Variants in PRKCZ observed in about 807,000 individuals in gnomAD.
PRKCZ encodes protein kinase C zeta type.
A neutral mutation model predicts 79.5 loss-of-function variants in PRKCZ; 33 were observed. That is an observed-to-expected ratio of 0.41 (90% CI 0.31 to 0.55). The LOEUF (loss-of-function observed/expected upper bound fraction) is 0.55. PRKCZ is among the 20% of genes least tolerant of loss of function. The probability of loss-of-function intolerance (pLI) is 0.19; values close to 1 mark genes in which losing one functional copy is unlikely to be tolerated. For missense variants in PRKCZ, 578 were observed against 813.5 expected, an observed-to-expected ratio of 0.71 and a Z score of 3.52; for synonymous variants, 342 against 320.9, an observed-to-expected ratio of 1.07 and a Z score of -0.70.
chr1:2,138,628 G>A (rs1344117163), intron 5 of PRKCZ, among the ~76,000 whole-genome samples: 1 of 150,888 alleles, frequency 6.6e-6, no homozygotes, highest in East Asian at 1.9e-4. Flanking sequence ...AACGGCAGGT[G>A]GATTGAGGTT....
upstream of PRKCZ, chr1:2,050,104 G>C (rs1008042761): frequency 6.6e-6 from 1 of 152,204 alleles, no homozygotes; most frequent in Non-Finnish European, 1.5e-5. Flanking sequence ...CGAAGGCCGA[G>C]AACTCGCGTT....
rs1378980200 is a variant in PRKCZ at position 2,168,996 on chromosome 1, C to T, written c.975-522C>T. ...AATCATACGATCATGTCTGCGAAACCGGGATGCCACTTCCCACCTGGCTTC... is the reference window on the plus strand; with the variant it reads ...AATCATACGATCATGTCTGCGAAACTGGGATGCCACTTCCCACCTGGCTTC... On this transcript the variant is annotated intron_variant, in intron 10 of 17. Coordinates refer to ENST00000378567, the MANE Select transcript of PRKCZ (RefSeq NM_002744.6). The surrounding 1 kb of genome is among the most constrained non-coding windows in gnomAD (Gnocchi z 4.7). 18 of 369,086 alleles carry T rather than the reference C, an allele frequency of 4.9e-5. No individual in the cohort carries two copies. The highest frequency in any genetic ancestry group is 7.5e-5 in the East Asian group (1 of 13,342). 22.9% of individuals were successfully genotyped at this position (369,086 alleles called of 1,614,324 possible). A position where few individuals can be genotyped will look rare whatever the true frequency, so the allele number is the denominator to read the frequency against.
rs774689423 is a variant in PRKCZ, at chr1:2,172,257, G to A, written c.1198-44G>A. 5 of 1,613,354 alleles carry A rather than the reference G, an allele frequency of 3.1e-6. No homozygotes were observed. Among genetic ancestry groups the A allele is most frequent in the Non-Finnish European group, 4.2e-6 (5 of 1,180,018 alleles). On this transcript the variant is annotated intron_variant, in intron 12 of 17. Coordinates refer to ENST00000378567, the MANE Select transcript of PRKCZ (RefSeq NM_002744.6). This position sits in a 1 kb window ranked among gnomAD's most constrained non-coding sequence, Gnocchi z 7.8. ...CGTCTCGGGGCGCCTGTCCCGCGGG[G>A]TAGTGTCTACAAGAACCCTCTCCCA...
At chr1:2,095,009 C>G (rs1241530964) in intron 4 of PRKCZ, among the ~76,000 whole-genome samples, 1 of 152,168 alleles carries the variant, frequency 6.6e-6, no homozygotes, top group Non-Finnish European at 1.5e-5. Context: ...GTGATGCAGA[C>G]ACTGACTGTC....
At chr1:2,118,736 TGTGTGTGTGTGTGTGTGTGA>T (rs996256025) in intron 4 of PRKCZ, among the ~76,000 whole-genome samples, 12 of 148,166 alleles carry the variant, frequency 8.1e-5, no homozygotes, top group African/African-American at 2.8e-4. Context: ...TGTGTGTGTG[TGTGTGTGTGTGTGTGTGTGA>T]GATGAGGGGA....
chr1:2,148,786 G>A lies in PRKCZ; in HGVS notation c.635-86G>A, dbSNP rs368243872. 4.1e-5 allele frequency: 56 copies of A among 1,367,614 alleles called. No individual in the cohort carries two copies. In the African/African-American group the frequency reaches 6.9e-4, roughly 17 times the overall value. 84.7% of individuals were successfully genotyped at this position (1,367,614 alleles called of 1,614,324 possible). A position where few individuals can be genotyped will look rare whatever the true frequency, so the allele number is the denominator to read the frequency against. ...ATTCACCCTTCACCGTCACCCTGCAGAGGAGCAAGGTCCACAGGGTCGCTG... is the reference window on the plus strand; with the variant it reads ...ATTCACCCTTCACCGTCACCCTGCAAAGGAGCAAGGTCCACAGGGTCGCTG... On this transcript the variant is annotated intron_variant, in intron 7 of 17. Transcript: ENST00000378567.
rs113547132 is a variant in PRKCZ at position 2,112,929 on chromosome 1, C to T, written c.335-22333C>T. Among the ~76,000 whole-genome samples, 878 of 152,302 alleles carry T rather than the reference C, an allele frequency of 5.8e-3. 10 individuals are homozygous for T. The highest frequency in any genetic ancestry group is 0.02 in the African/African-American group (841 of 41,562). On this transcript the variant is annotated intron_variant, in intron 4 of 17. Transcript: ENST00000378567. Reference sequence around the variant, plus strand: ...CTGGTCTCGAACTCCTGACCTCAGGCGATCCGCCTGCCTTGGCCTCCCAAA... The same window carrying T: ...CTGGTCTCGAACTCCTGACCTCAGGTGATCCGCCTGCCTTGGCCTCCCAAA...
At position 2,185,263 on chromosome 1, in the gene PRKCZ, C is replaced by T. The variant is rs774583050; in HGVS notation, c.*254C>T. ...GCGTCGCGGCGGATCCGCGGGGACCCTGCCGAGGGGGCTGTCATGCGGTTT... is the reference window on the plus strand; with the variant it reads ...GCGTCGCGGCGGATCCGCGGGGACCTTGCCGAGGGGGCTGTCATGCGGTTT... On this transcript the variant is annotated 3_prime_UTR_variant, in exon 18 of 18. Transcript: ENST00000378567. 7 of 715,188 alleles carry T rather than the reference C, an allele frequency of 9.8e-6. No individual in the cohort carries two copies. Among genetic ancestry groups the T allele is most frequent in the Non-Finnish European group, 1.8e-5 (7 of 383,298 alleles). The allele number at this position is 715,188 out of a possible 1,614,324, so 44.3% of individuals were successfully genotyped here. A position where few individuals can be genotyped will look rare whatever the true frequency, so the allele number is the denominator to read the frequency against.
At chr1:2,069,849 G>C (rs1031699916) in intron 4 of PRKCZ, among the ~76,000 whole-genome samples, 1 of 152,190 alleles carries the variant, frequency 6.6e-6, no homozygotes, top group Non-Finnish European at 1.5e-5. Flanking sequence ...GAGGCTCTGG[G>C]GCTCCTAAGT....
chr1:2,094,100 G>A lies in PRKCZ; in HGVS notation c.334+34509G>A, dbSNP rs12026498. On this transcript the variant is annotated intron_variant, in intron 4 of 17. Coordinates refer to ENST00000378567, the MANE Select transcript of PRKCZ (RefSeq NM_002744.6). This position sits in a 1 kb window ranked among gnomAD's most constrained non-coding sequence, Gnocchi z 7.3. ...CCTAGCGCAGCCACATCCCTTGGGA[G>A]CCTGCTTGTCTCTAGAACCTTCTGC... Among the ~76,000 whole-genome samples the A allele has an allele frequency of 0.13, 19,900 of 152,144 alleles. 1,385 individuals carry two copies. The highest frequency in any genetic ancestry group is 0.16 in the Middle Eastern group (48 of 294).
intron 4 of PRKCZ, among the ~76,000 whole-genome samples, chr1:2,076,046 C>T (rs1021124770): frequency 2.6e-5 from 4 of 152,202 alleles, no homozygotes; most frequent in African/African-American, 9.7e-5. Flanking sequence ...CTTGTGCTGG[C>T]GTGGAGCTTT....
chr1:2,067,641 G>A (rs1661231311), intron 4 of PRKCZ, among the ~76,000 whole-genome samples: 1 of 152,154 alleles, frequency 6.6e-6, no homozygotes, highest in African/African-American at 2.4e-5. Flanking sequence ...TGGTGGCACG[G>A]GGGTCCGCAT....
At chr1:2,181,453 C>T (rs1310222598) in intron 16 of PRKCZ, among the ~76,000 whole-genome samples, 3 of 152,202 alleles carry the variant, frequency 2.0e-5, no homozygotes, top group Non-Finnish European at 2.9e-5. Flanking sequence ...CTGGGGCCAG[C>T]GTGCATTCAA....
chr1:2,146,338 G>A (rs1301114774), intron 7 of PRKCZ, among the ~76,000 whole-genome samples: 1 of 152,228 alleles, frequency 6.6e-6, no homozygotes, highest in Non-Finnish European at 1.5e-5. Context: ...CTGCTGGGCA[G>A]GGATGCCTCC....
rs1679756362 is a variant in PRKCZ at position 2,150,870 on chromosome 1, A to T, written c.768A>T (p.Arg256Ser). The change falls in exon 9 of 18, where the codon AGA becomes AGT. Residue 256 changes from arginine to serine, a missense_variant. Transcript: ENST00000378567. ...GLGLQDFDLI[R>S]VIGRGSYAKV... The stretch of plus-strand genomic sequence containing the variant: ...GGCTGCAGGACTTTGACCTAATCAG[A>T]GTCATCGGGCGCGGGAGCTACGCCA... The T allele has an allele frequency of 6.2e-7, 1 of 1,614,054 alleles. No homozygotes were observed. Among genetic ancestry groups the T allele is most frequent in the Non-Finnish European group, 8.5e-7 (1 of 1,180,038 alleles).
At position 2,125,843 on chromosome 1, in the gene PRKCZ, G is replaced by A. The variant is rs1354164693; in HGVS notation, c.335-9419G>A. On this transcript the variant is annotated intron_variant, in intron 4 of 17. Transcript: ENST00000378567. This position sits in a 1 kb window ranked among gnomAD's most constrained non-coding sequence, Gnocchi z 4.2. ...CACGGCCTCCTCACGTCCATGCGGGGATTTGCGCCCTGGAAGGAGCCGCCC... is the reference window on the plus strand; with the variant it reads ...CACGGCCTCCTCACGTCCATGCGGGAATTTGCGCCCTGGAAGGAGCCGCCC... 6.6e-6 allele frequency among the ~76,000 whole-genome samples: 1 copy of A among 152,234 alleles called. No individual in the cohort carries two copies. The highest frequency in any genetic ancestry group is 2.4e-5 in the African/African-American group (1 of 41,460).
rs558305043 is a variant in PRKCZ, at chr1:2,104,032, G to A, written c.335-31230G>A. ...CAGCACCGCACGCAGACGGGAGGGAGCTTCTCACCACATAATGAGGTTTTC... is the reference window on the plus strand; with the variant it reads ...CAGCACCGCACGCAGACGGGAGGGAACTTCTCACCACATAATGAGGTTTTC... On this transcript the variant is annotated intron_variant, in intron 4 of 17. Coordinates refer to ENST00000378567, the MANE Select transcript of PRKCZ (RefSeq NM_002744.6). 1.2e-4 allele frequency among the ~76,000 whole-genome samples: 19 copies of A among 152,334 alleles called. 1 individual carries two copies. The South Asian group carries it at 3.5e-3, about 28-fold the overall frequency.
chr1:2,138,590 A>G (rs1265150532), intron 5 of PRKCZ, among the ~76,000 whole-genome samples: 2 of 152,130 alleles, frequency 1.3e-5, no homozygotes, highest in Non-Finnish European at 2.9e-5. Flanking sequence ...GTGGGTAGGA[A>G]TCCAGGCTGC....
chr1:2,053,626 C>G (rs1396399302), intron 1 of PRKCZ, among the ~76,000 whole-genome samples: 1 of 152,160 alleles, frequency 6.6e-6, no homozygotes, highest in East Asian at 1.9e-4. Flanking sequence ...TTTACTGGAG[C>G]CACCCACCTG....
Sources: gnomAD v4.1 joint callset for allele counts (sites outside exome capture counted in the v4.1 genomes callset) on GRCh38, gnomAD v4.1.1 for gene constraint, Gnocchi (gnomAD v3.1) non-coding constraint, MANE v1.5 for transcripts, NCBI Gene and HGNC (gene_info 2026-07-23, HGNC 2026-07-21) for gene names.